PIGS: variants seen among roughly 807,000 people sequenced by gnomAD.
PIGS encodes phosphatidylinositol glycan anchor biosynthesis class S.
Under a neutral mutation model 58.2 loss-of-function variants are expected in PIGS, and 37 were observed. That is an observed-to-expected ratio of 0.64 (90% CI 0.49 to 0.84). The LOEUF (loss-of-function observed/expected upper bound fraction) is 0.84. PIGS is among the 40% of genes least tolerant of loss of function. PIGS has a pLI of 0.00. For synonymous variants in PIGS, 269 were observed against 289.2 expected, an observed-to-expected ratio of 0.93 and a Z score of 0.71; for missense variants, 629 against 710.8, an observed-to-expected ratio of 0.88 and a Z score of 1.31.
chr17:28,561,274 AAAAT>A, intron 6 of PIGS, 144 bp downstream of exon 6: 1 of 499,556 alleles, frequency 2.0e-6, no homozygotes. Context: ...ATAACTAAAA[AAAAT>A]AATAATAATA....
Position 28,561,630 on chromosome 17 carries a change from C to G in PIGS, c.469-1G>C, listed in dbSNP as rs752493894. The G allele has an allele frequency of 6.2e-7, 1 of 1,609,904 alleles. No homozygotes were observed. Among genetic ancestry groups the G allele is most frequent in the African/African-American group, 1.3e-5 (1 of 74,834 alleles). ...TGGGCCCAATGTAGCTCATCATGTC[C>G]TGTGGGGGTGAGCAAGAGACAGAAT... On this transcript the variant is annotated splice_acceptor_variant, in intron 5 of 11. Transcript: ENST00000308360. LOFTEE classifies it high-confidence loss of function.
Position 28,571,502 on chromosome 17 carries a change from C to A in PIGS, c.-6G>T. 1 of 1,604,224 alleles carries A rather than the reference C, an allele frequency of 6.2e-7. No individual in the cohort carries two copies. Among genetic ancestry groups the A allele is most frequent in the East Asian group, 2.3e-5 (1 of 44,402 alleles). On this transcript the variant is annotated 5_prime_UTR_variant, in exon 1 of 12. Coordinates refer to ENST00000308360, the MANE Select transcript of PIGS (RefSeq NM_033198.4). ...GCAGCCCCGGCGGCCGCCATGCTAG[C>A]TTCCGGCTGCTCCGGCCACCGTGGG...
chr17:28,561,386 TCCTCTC>T, intron 6 of PIGS, 30 bp downstream of exon 6: 1 of 1,605,860 alleles, frequency 6.2e-7, no homozygotes, highest in Non-Finnish European at 8.5e-7. Flanking sequence ...GTAATTCATT[TCCTCTC>T]CCTTCATGTG....
intron 1 of PIGS, 96 bp from the exon 2 acceptor site, chr17:28,571,284 G>T (rs1158684395): frequency 2.6e-6 from 4 of 1,537,950 alleles, no homozygotes; most frequent in Non-Finnish European, 3.5e-6. Context: ...GCCTCCAGGG[G>T]CCCGCGTTCA....
At chr17:28,563,627 A>G (rs1597585944) in intron 4 of PIGS, 105 bp from the exon 5 acceptor site, 3 of 1,259,716 alleles carry the variant, frequency 2.4e-6, no homozygotes, top group South Asian at 2.5e-5. Flanking sequence ...CAGCTGACAC[A>G]GTGGTCAGGC....
intron 3 of PIGS, among the ~76,000 whole-genome samples, chr17:28,566,357 C>G (rs1388462857): frequency 7.0e-6 from 1 of 143,458 alleles, no homozygotes; most frequent in African/African-American, 2.6e-5. Context: ...ACAGTGGGAT[C>G]CCGGCTCACT....
intron 10 of PIGS, 112 bp downstream of exon 10, chr17:28,556,054 G>A: frequency 1.0e-6 from 1 of 953,180 alleles, no homozygotes; most frequent in Non-Finnish European, 1.6e-6. Context: ...GGTTTCCCTG[G>A]GGCTCTAGGC....
intron 3 of PIGS, among the ~76,000 whole-genome samples, chr17:28,567,305 A>G (rs1474790461): frequency 6.6e-6 from 1 of 152,236 alleles, no homozygotes; most frequent in East Asian, 1.9e-4. Context: ...AAACCACTAG[A>G]TCTAACTCCC....
At chr17:28,565,754 G>A (rs1012883401) in intron 3 of PIGS, among the ~76,000 whole-genome samples, 3 of 152,190 alleles carry the variant, frequency 2.0e-5, no homozygotes, top group African/African-American at 7.2e-5. Flanking sequence ...CTGGGGCCAG[G>A]TGCACTGGCT....
At chr17:28,559,991 G>A (rs906127357) in intron 7 of PIGS, 58 bp downstream of exon 7, 1 of 1,537,054 alleles carries the variant, frequency 6.5e-7, no homozygotes, top group Non-Finnish European at 8.8e-7. Flanking sequence ...GGAACAGACT[G>A]CACTTGTAAA....
chr17:28,554,931 C>T lies in PIGS; in HGVS notation c.1312G>A (p.Ala438Thr), dbSNP rs779551408. 2 of 1,613,770 alleles carry T rather than the reference C, an allele frequency of 1.2e-6. No homozygotes were observed. The highest frequency in any genetic ancestry group is 4.5e-5 in the East Asian group (2 of 44,872). The change falls in exon 11 of 12, where the codon GCC becomes ACC. Residue 438 changes from alanine (A) to threonine (T), a missense_variant. Physicochemically the swap from Ala to Thr is moderately conservative, Grantham distance 58 (BLOSUM62 0). Coordinates refer to ENST00000308360, the MANE Select transcript of PIGS (RefSeq NM_033198.4). ...WARSVENLAT[A>T]TTTLTSLAQL... Reference sequence around the variant, plus strand: ...GCCAGGGAGGTAAGGGTGGTGGTGGCTGTGGCCAGGTTCTCCACTGACCGA... The same window carrying T: ...GCCAGGGAGGTAAGGGTGGTGGTGGTTGTGGCCAGGTTCTCCACTGACCGA...
At chr17:28,570,781 G>T in intron 3 of PIGS, 71 bp downstream of exon 3, 1 of 1,452,064 alleles carries the variant, frequency 6.9e-7, no homozygotes, top group East Asian at 2.3e-5. Flanking sequence ...GTACACCCCC[G>T]CTCCTCCCAC....
Position 28,560,190 on chromosome 17 carries a change from G to A in PIGS, c.678C>T (p.Gly226=). ...TGAGTAAACTGAAGGTGATCTCATAGCCTACAGAAACAGGAGTCAGGGAAG... is the reference window on the plus strand; with the variant it reads ...TGAGTAAACTGAAGGTGATCTCATAACCTACAGAAACAGGAGTCAGGGAAG... The part of the protein sequence containing the change: ...EKRRPLKSSL[G]YEITFSLLNP... The change falls in exon 7 of 12, where the codon GGC becomes GGT. Residue 226 remains glycine, a splice_region_variant and synonymous_variant. Coordinates refer to ENST00000308360, the MANE Select transcript of PIGS (RefSeq NM_033198.4). 1 of 1,610,752 alleles carries A rather than the reference G, an allele frequency of 6.2e-7. No individual in the cohort carries two copies. The highest frequency in any genetic ancestry group is 8.5e-7 in the Non-Finnish European group (1 of 1,178,768).
intron 5 of PIGS, among the ~76,000 whole-genome samples, chr17:28,563,175 C>A (rs1409478730): frequency 6.6e-6 from 1 of 152,106 alleles, no homozygotes; most frequent in Non-Finnish European, 1.5e-5. Context: ...TGCCTGTAAT[C>A]CCAGGTATTC....
Position 28,558,574 on chromosome 17 carries a change from A to G in PIGS, c.836T>C (p.Met279Thr), listed in dbSNP as rs1445537827. The change falls in exon 8 of 12, where the codon ATG becomes ACG. Residue 279 changes from methionine to threonine, a missense_variant. Physicochemically the swap from Met to Thr is moderately conservative, Grantham distance 81 (BLOSUM62 -1). Transcript: ENST00000308360. The part of the protein sequence containing the change: ...SVDSQILYYA[M>T]LGVNPRFDSA... ...GTCAAAGCGGGGATTCACCCCCAAC[A>G]TTGCATAGTAAAGAATCTGTAGAGC... 1.2e-6 allele frequency: 2 copies of G among 1,610,734 alleles called. No homozygotes were observed. Among genetic ancestry groups the G allele is most frequent in the Non-Finnish European group, 1.7e-6 (2 of 1,178,488 alleles).
At chr17:28,555,262 T>C in intron 10 of PIGS, 2 of 542,652 alleles carry the variant, frequency 3.7e-6, no homozygotes, top group Non-Finnish European at 6.4e-6. Context: ...CTTCAACAGG[T>C]GTTTCTGCTT....
chr17:28,571,016 C>G (rs761301001), intron 2 of PIGS, 33 bp downstream of exon 2: 9 of 1,613,980 alleles, frequency 5.6e-6, no homozygotes, highest in Admixed American at 1.7e-5. Context: ...GCCGGGGGGG[C>G]TGTCCCCCGA....
rs1241080687 is a variant in PIGS at position 28,555,935 on chromosome 17, C to G, written c.1181+231G>C. The G allele has an allele frequency of 6.7e-6, 3 of 447,624 alleles. No homozygotes were observed. The South Asian group carries it at 7.4e-5, about 11-fold the overall frequency. 27.7% of individuals were successfully genotyped at this position (447,624 alleles called of 1,614,324 possible). ...AGTGAGCCAAAATGGCACCACTGCACTCCGGCCTGGGCAACAGAGCAAGAC... is the reference window on the plus strand; with the variant it reads ...AGTGAGCCAAAATGGCACCACTGCAGTCCGGCCTGGGCAACAGAGCAAGAC... On this transcript the variant is annotated intron_variant, in intron 10 of 11. Transcript: ENST00000308360.
intron 3 of PIGS, among the ~76,000 whole-genome samples, chr17:28,567,547 AG>A (rs970414452): frequency 6.6e-6 from 1 of 152,212 alleles, no homozygotes; most frequent in Non-Finnish European, 1.5e-5. Flanking sequence ...CATCTGTGAA[AG>A]GATACCTTGG....
Sources: gnomAD v4.1 joint callset for allele counts (sites outside exome capture counted in the v4.1 genomes callset) on GRCh38, gnomAD v4.1.1 for gene constraint, MANE v1.5 for transcripts, NCBI Gene and HGNC (gene_info 2026-07-23, HGNC 2026-07-21) for gene names.